CCDC171: variants seen among roughly 807,000 people sequenced by gnomAD.
CCDC171 encodes coiled-coil domain-containing protein 171.
In CCDC171, 177 loss-of-function variants were observed where a neutral mutation model predicts 168.2. The ratio of observed to expected loss-of-function variants is 1.05; its 90% CI spans 0.93 to 1.19. The LOEUF is 1.19. Among genes scored for constraint, CCDC171 ranks in the 50% most tolerant of loss-of-function variants. CCDC171 has a pLI of 0.00. For synonymous variants in CCDC171, 687 were observed against 540.8 expected (o/e 1.27, Z -3.75); for missense variants, 1,991 against 1,539.0 (o/e 1.29, Z -4.91).
rs2040905996 is a variant in CCDC171, at chr9:15,579,012, A to G, written c.341A>G (p.Glu114Gly). 1 of 1,613,548 alleles carries G rather than the reference A, an allele frequency of 6.2e-7. No individual in the cohort carries two copies. Among genetic ancestry groups the G allele is most frequent in the Non-Finnish European group, 8.5e-7 (1 of 1,179,742 alleles). The change falls in exon 4 of 26, where the codon GAA becomes GGA. Residue 114 changes from glutamate to glycine, a missense_variant. Coordinates refer to ENST00000380701, the MANE Select transcript of CCDC171 (RefSeq NM_173550.4). The stretch of plus-strand genomic sequence containing the variant: ...TTAGCCGAGGCACATAGGATCCAAG[A>G]AAAACTCTGTGGTAAGACTGTTTCT... ...ERLAEAHRIQ[E>G]KLCAQNSELQ...
At chr9:15,695,195 A>G (rs2133773304) in intron 10 of CCDC171, 40 bp from the exon 11 acceptor site, 2 of 1,336,228 alleles carry the variant, frequency 1.5e-6, no homozygotes, top group African/African-American at 1.4e-5. Flanking sequence ...CAGCTCTTAT[A>G]ATACGTGACC....
chr9:15,597,955 G>C (rs1452123055), intron 6 of CCDC171, among the ~76,000 whole-genome samples: 1 of 152,116 alleles, frequency 6.6e-6, no homozygotes, highest in Non-Finnish European at 1.5e-5. Flanking sequence ...AGTATTCTCT[G>C]ATGGTAGTCT....
At chr9:16,015,080 A>T (rs915045986) in intron 3 of CCDC171, among the ~76,000 whole-genome samples, 3 of 152,064 alleles carry the variant, frequency 2.0e-5, no homozygotes, top group African/African-American at 7.2e-5. Context: ...ACTAACCTAC[A>T]TGTTGTGCAC....
chr9:15,774,301 C>T (rs899739662), intron 18 of CCDC171, among the ~76,000 whole-genome samples: 2 of 127,438 alleles, frequency 1.6e-5, no homozygotes, highest in African/African-American at 2.9e-5. Flanking sequence ...AGGCTAAGGA[C>T]GTGAATAGAC....
intron 1 of CCDC171, among the ~76,000 whole-genome samples, chr9:16,052,560 A>T (rs927992318): frequency 2.6e-5 from 4 of 152,176 alleles, no homozygotes; most frequent in African/African-American, 9.7e-5. Context: ...TATATATATT[A>T]GAACTTTCCA....
chr9:15,692,929 G>T (rs187753837), intron 10 of CCDC171, among the ~76,000 whole-genome samples: 1 of 151,850 alleles, frequency 6.6e-6, no homozygotes. Context: ...TTGAGGTCAG[G>T]AGTTCAAGAC....
chr9:15,777,712 C>T lies in CCDC171; in HGVS notation c.2784C>T (p.Ser928=). 1.2e-6 allele frequency: 2 copies of T among 1,613,572 alleles called. No individual in the cohort carries two copies. Among genetic ancestry groups the T allele is most frequent in the Non-Finnish European group, 1.7e-6 (2 of 1,179,596 alleles). The part of the protein sequence containing the change: ...LVMECIPLHS[S]RSITYVEKDS... ...TGGAATGTATACCTCTGCACAGTAG[C>T]AGGAGTATTACATATGTAGAAAAAG... The change falls in exon 19 of 26, where the codon AGC becomes AGT. Residue 928 remains serine (S), a synonymous_variant. Transcript: ENST00000380701.
chr9:15,623,740 C>A (rs1448749394), intron 7 of CCDC171, among the ~76,000 whole-genome samples: 1 of 151,984 alleles, frequency 6.6e-6, no homozygotes, highest in East Asian at 1.9e-4. Flanking sequence ...GTTGAGAAAG[C>A]AACACAGGAA....
the CCDC171 span, among the ~76,000 whole-genome samples, chr9:16,094,185 G>C: frequency 6.6e-6 from 1 of 152,158 alleles, no homozygotes; most frequent in Admixed American, 6.5e-5. Flanking sequence ...TGGAAAGCGG[G>C]GTGGGCCCCA....
the CCDC171 span, among the ~76,000 whole-genome samples, chr9:16,098,600 C>T: frequency 5.3e-5 from 8 of 152,026 alleles, no homozygotes; most frequent in East Asian, 5.8e-4. Flanking sequence ...TTAATGAAGT[C>T]GATGAAATGA....
At chr9:15,778,197 T>A (rs916660310) in intron 19 of CCDC171, among the ~76,000 whole-genome samples, 1 of 150,262 alleles carries the variant, frequency 6.7e-6, no homozygotes, top group Non-Finnish European at 1.5e-5. Context: ...CTCGGGAGGC[T>A]GAGGCAGGAG....
intron 24 of CCDC171, among the ~76,000 whole-genome samples, chr9:15,891,786 T>C (rs16933746): frequency 1.3e-5 from 2 of 152,210 alleles, no homozygotes; most frequent in South Asian, 2.1e-4. Flanking sequence ...CTGGGTGAGA[T>C]GACAGAGAAT....
chr9:15,776,632 T>A (rs1198421488), intron 18 of CCDC171, among the ~76,000 whole-genome samples: 4 of 152,224 alleles, frequency 2.6e-5, no homozygotes, highest in African/African-American at 9.6e-5. Context: ...AGCTCAAATT[T>A]TATAACAGTG....
At chr9:15,679,423 CTTG>C (rs1311156550) in intron 10 of CCDC171, among the ~76,000 whole-genome samples, 3 of 152,282 alleles carry the variant, frequency 2.0e-5, no homozygotes, top group South Asian at 2.1e-4. Flanking sequence ...CGGCCAGCTT[CTTG>C]TTGTATAATC....
chr9:15,629,258 A>G (rs2045462141), intron 7 of CCDC171, among the ~76,000 whole-genome samples: 1 of 152,130 alleles, frequency 6.6e-6, no homozygotes, highest in Admixed American at 6.6e-5. Flanking sequence ...ATTCAAACCA[A>G]AGGCAAAGAA....
At chr9:15,995,969 T>C (rs1326157355) in intron 3 of CCDC171, among the ~76,000 whole-genome samples, 1 of 152,216 alleles carries the variant, frequency 6.6e-6, no homozygotes, top group Non-Finnish European at 1.5e-5. Context: ...TTTATCACTT[T>C]CAGCATAAAA....
intron 21 of CCDC171, among the ~76,000 whole-genome samples, chr9:15,808,780 G>C (rs369213602): frequency 3.9e-5 from 6 of 152,174 alleles, no homozygotes; most frequent in Non-Finnish European, 5.9e-5. Flanking sequence ...AAGTCACCCA[G>C]AATGATAGGA....
rs543235106 is a variant in CCDC171, at chr9:15,781,305, T to G, written c.3081+2155T>G. Among the ~76,000 whole-genome samples, 9 of 152,310 alleles carry G rather than the reference T, an allele frequency of 5.9e-5. No individual in the cohort carries two copies. The South Asian group carries it at 1.9e-3, about 32-fold the overall frequency. On this transcript the variant is annotated intron_variant, in intron 20 of 25. Transcript: ENST00000380701. ...GGAAGGTTAGTGGAAGGTGACAGAA[T>G]CCTCTTGTAAGAGCTTTGAATAACT...
downstream of CCDC171, among the ~76,000 whole-genome samples, chr9:15,978,585 G>C (rs1352340851): frequency 6.6e-6 from 1 of 152,180 alleles, no homozygotes; most frequent in African/African-American, 2.4e-5. Flanking sequence ...GTTAATCAGA[G>C]TAGAAACCCT....
Sources: gnomAD v4.1 joint callset for allele counts (sites outside exome capture counted in the v4.1 genomes callset) on GRCh38, gnomAD v4.1.1 for gene constraint, MANE v1.5 for transcripts, NCBI Gene and HGNC (gene_info 2026-07-23, HGNC 2026-07-21) for gene names.